The following XPO4 variants were observed in gnomAD, a reference collection of about 807,000 sequenced individuals.
The protein encoded by XPO4 is exportin 4, also known as exportin-4.
In XPO4, 39 loss-of-function variants were observed where a neutral mutation model predicts 143.0. That is an observed-to-expected ratio of 0.27 (90% confidence interval 0.21 to 0.36). XPO4 has a LOEUF of 0.36. XPO4 is among the 10% of genes least tolerant of loss of function. The pLI is 1.00. For missense variants in XPO4, 907 were observed against 1,348.0 expected (o/e 0.67, Z 5.12); for synonymous variants, 439 against 474.0 (o/e 0.93, Z 0.96).
Position 20,788,507 on chromosome 13 carries a change from G to T in XPO4, c.3026C>A (p.Ser1009Tyr). ...ATATGATGTCATTCCTAATTCTAGG[G>T]AGTACATCAGACTTTTAAACAGATC... The part of the protein sequence containing the change: ...PEDLFKSLMY[S>Y]LELGMTSMSS... The change falls in exon 20 of 23, where the codon TCC (serine) becomes TAC (tyrosine). Residue 1009 changes from serine (S) to tyrosine (Y), a missense_variant. Ser to Tyr is a moderately radical substitution (Grantham distance 144, BLOSUM62 -2). Coordinates refer to ENST00000255305, the MANE Select transcript of XPO4 (RefSeq NM_022459.5). The T allele has an allele frequency of 6.2e-7, 1 of 1,612,708 alleles. No individual in the cohort carries two copies. The highest frequency in any genetic ancestry group is 8.5e-7 in the Non-Finnish European group (1 of 1,179,434).
At chr13:20,889,945 T>C (rs138756002) in intron 1 of XPO4, among the ~76,000 whole-genome samples, 35 of 152,324 alleles carry the variant, frequency 2.3e-4, no homozygotes, top group African/African-American at 7.2e-4. Context: ...GCAAAGAATA[T>C]TCATCTTCTC....
rs535935572 is a variant in XPO4, at chr13:20,816,202, T to C, written c.1173+5502A>G. ...TATTTGTGCTGCACAGTGTAAAACA[T>C]TAAGAAGGACATATGAACGATTAAA... On this transcript the variant is annotated intron_variant, in intron 9 of 22. Coordinates refer to ENST00000255305, the MANE Select transcript of XPO4 (RefSeq NM_022459.5). Among the ~76,000 whole-genome samples the C allele has an allele frequency of 8.6e-4, 131 of 152,312 alleles. 3 individuals are homozygous for C. In the South Asian group the frequency reaches 0.026, roughly 30 times the overall value.
At chr13:20,902,522 T>A in intron 1 of XPO4, 148 bp downstream of exon 1, 1 of 1,331,012 alleles carries the variant, frequency 7.5e-7, no homozygotes, top group Non-Finnish European at 9.6e-7. Context: ...TGAAGAATCC[T>A]GCGCCACGCC....
intron 1 of XPO4, among the ~76,000 whole-genome samples, chr13:20,888,992 T>C (rs995961698): frequency 2.7e-4 from 41 of 152,032 alleles, no homozygotes; most frequent in African/African-American, 9.7e-4. Context: ...TTGTCATTTT[T>C]AGTAGAGACG....
intron 1 of XPO4, among the ~76,000 whole-genome samples, chr13:20,893,082 T>G (rs1282022669): frequency 1.3e-5 from 2 of 151,414 alleles, no homozygotes; most frequent in Non-Finnish European, 2.9e-5. Context: ...AGGACACAAG[T>G]GGGAAGGGTT....
rs2059164566 is a variant in XPO4 at position 20,783,511 on chromosome 13, A to G, written c.*211T>C. Reference sequence around the variant, plus strand: ...ACCATTCAGAATCTAAAAGACATATATATGACAGATTGTGGCTAACACTTA... The same window carrying G: ...ACCATTCAGAATCTAAAAGACATATGTATGACAGATTGTGGCTAACACTTA... On this transcript the variant is annotated 3_prime_UTR_variant, in exon 23 of 23. Transcript: ENST00000255305. The G allele has an allele frequency of 5.1e-6, 3 of 592,262 alleles. No individual in the cohort carries two copies. In the South Asian group the frequency reaches 6.2e-5, roughly 12 times the overall value. 36.7% of individuals were successfully genotyped at this position (592,262 alleles called of 1,614,324 possible).
rs537316406 is a variant in XPO4, at chr13:20,891,732, G to A, written c.69+10938C>T. Among the ~76,000 whole-genome samples, 568 of 151,866 alleles carry A rather than the reference G, an allele frequency of 3.7e-3. 9 individuals carry two copies. Among genetic ancestry groups the A allele is most frequent in the African/African-American group, 0.013 (529 of 41,458 alleles). ...CAAAAAAATAGCCAGGCGTGGCAGCGTATGCCTGTAGTCCCAGCTACTCGG... is the reference window on the plus strand; with the variant it reads ...CAAAAAAATAGCCAGGCGTGGCAGCATATGCCTGTAGTCCCAGCTACTCGG... On this transcript the variant is annotated intron_variant, in intron 1 of 22. Transcript: ENST00000255305.
Position 20,787,004 on chromosome 13 carries a change from C to T in XPO4, c.3219G>A (p.Ala1073=), listed in dbSNP as rs756494111. 1.1e-5 allele frequency: 18 copies of T among 1,566,736 alleles called. No homozygotes were observed. Among genetic ancestry groups the T allele is most frequent in the African/African-American group, 4.1e-5 (3 of 73,794 alleles). Residue 1073 remains alanine, a synonymous_variant, in exon 22 of 23, where the codon GCG becomes GCA. Coordinates refer to ENST00000255305, the MANE Select transcript of XPO4 (RefSeq NM_022459.5). ...LQKHNTEMTT[A]AGEAFYTLVC... Reference sequence around the variant, plus strand: ...CCAACGTGTAGAAAGCTTCGCCAGCCGCAGTGGTCATCTCTGTGTTGTGCT... The same window carrying T: ...CCAACGTGTAGAAAGCTTCGCCAGCTGCAGTGGTCATCTCTGTGTTGTGCT...
At chr13:20,868,936 G>A (rs1007588924) in intron 1 of XPO4, among the ~76,000 whole-genome samples, 1 of 152,040 alleles carries the variant, frequency 6.6e-6, no homozygotes, top group Admixed American at 6.6e-5. Flanking sequence ...TCCTTTAAAG[G>A]TTTTTAAAAA....
chr13:20,849,773 A>G (rs2060064959), intron 4 of XPO4: 2 of 985,272 alleles, frequency 2.0e-6, no homozygotes, highest in Non-Finnish European at 2.4e-6. Flanking sequence ...AAGCCTTTAA[A>G]GAAAGCCTAA....
At chr13:20,882,342 C>T (rs143818134) in intron 1 of XPO4, among the ~76,000 whole-genome samples, 253 of 152,074 alleles carry the variant, frequency 1.7e-3, no homozygotes, top group African/African-American at 5.8e-3. Context: ...CTGGTGAGAC[C>T]AAGAGCTTTC....
At chr13:20,849,231 C>A (rs558648906) in intron 4 of XPO4, 47 of 985,272 alleles carry the variant, frequency 4.8e-5, no homozygotes, top group Non-Finnish European at 5.4e-5. Context: ...AAGCAGACTT[C>A]CAGCTGCTCT....
intron 7 of XPO4, among the ~76,000 whole-genome samples, chr13:20,823,457 T>C (rs2059744723): frequency 6.6e-6 from 1 of 152,194 alleles, no homozygotes. Context: ...GTTAGTTGAT[T>C]TACTGACATG....
intron 1 of XPO4, among the ~76,000 whole-genome samples, chr13:20,877,628 ATATC>A (rs568285007): frequency 7.5e-4 from 114 of 152,360 alleles, no homozygotes; most frequent in African/African-American, 2.5e-3. Context: ...ATATACATAT[ATATC>A]TATCTATCTC....
chr13:20,858,761 C>T (rs9315928), intron 3 of XPO4, among the ~76,000 whole-genome samples: 43,795 of 151,640 alleles, frequency 0.29, 7,994 homozygotes, highest in East Asian at 0.8. Flanking sequence ...ATCCCAGCTA[C>T]TCCAGAGGCT....
At chr13:20,790,297 G>A (rs1288782434) in intron 19 of XPO4, among the ~76,000 whole-genome samples, 165 bp downstream of exon 19, 1 of 152,208 alleles carries the variant, frequency 6.6e-6, no homozygotes, top group Non-Finnish European at 1.5e-5. Context: ...CCATGTTACT[G>A]AGAAGCATGC....
At chr13:20,800,060 A>G in intron 15 of XPO4, 96 bp downstream of exon 15, 1 of 1,397,664 alleles carries the variant, frequency 7.2e-7, no homozygotes, top group Non-Finnish European at 9.6e-7. Flanking sequence ...AGGACCGTGT[A>G]ACCATTTGCC....
At chr13:20,828,038 G>A (rs898628229) in intron 6 of XPO4, among the ~76,000 whole-genome samples, 2 of 152,156 alleles carry the variant, frequency 1.3e-5, no homozygotes, top group Non-Finnish European at 2.9e-5. Context: ...AGGAGTTCGA[G>A]ACCAGCCTGG....
chr13:20,800,193 C>T lies in XPO4; in HGVS notation c.2110G>A (p.Val704Met), dbSNP rs780536370. 3.7e-6 allele frequency: 6 copies of T among 1,614,146 alleles called. No individual in the cohort carries two copies. The highest frequency in any genetic ancestry group is 5.1e-6 in the Non-Finnish European group (6 of 1,180,016). ...SSEQDLANDT[V>M]QLLVTLVERR... ...TCCACCAAAGTGACAAGGAGCTGCA[C>T]AGTGTCATTTGCAAGGTCCTGCTCA... Residue 704 changes from valine to methionine, a missense_variant, in exon 15 of 23, where the codon GTG (valine) becomes ATG (methionine). By Grantham distance (21) the Val-to-Met change is conservative. Coordinates refer to ENST00000255305, the MANE Select transcript of XPO4 (RefSeq NM_022459.5).
Sources: gnomAD v4.1 joint callset for allele counts (sites outside exome capture counted in the v4.1 genomes callset) on GRCh38, gnomAD v4.1.1 for gene constraint, MANE v1.5 for transcripts, NCBI Gene and HGNC (gene_info 2026-07-23, HGNC 2026-07-21) for gene names.